The following ENOPH1 variants were observed in gnomAD, a reference collection of about 807,000 sequenced individuals.
ENOPH1 encodes enolase-phosphatase E1.
Under a neutral mutation model 31.1 loss-of-function variants are expected in ENOPH1, and 14 were observed. The observed-to-expected ratio is 0.45, with a 90% CI of 0.30 to 0.70. The LOEUF (loss-of-function observed/expected upper bound fraction) is 0.70. Among genes scored for constraint, ENOPH1 ranks in the 30% least tolerant of loss-of-function variants. ENOPH1 has a pLI of 0.09. For missense variants in ENOPH1, 243 were observed against 321.5 expected (o/e 0.76, Z 1.87); for synonymous variants, 127 against 123.2 (o/e 1.03, Z -0.21).
intron 1 of ENOPH1, among the ~76,000 whole-genome samples, chr4:82,436,085 C>T (rs1334186116): frequency 6.6e-6 from 1 of 152,164 alleles, no homozygotes; most frequent in Non-Finnish European, 1.5e-5. Context: ...CCACCATGCT[C>T]CCAGTTACGT....
In ENOPH1 at chr4:82,457,035, C is replaced by G; in HGVS notation, c.643C>G (p.Arg215Gly). The G allele has an allele frequency of 6.2e-7, 1 of 1,613,716 alleles. No individual in the cohort carries two copies. Among genetic ancestry groups the G allele is most frequent in the Non-Finnish European group, 8.5e-7 (1 of 1,179,852 alleles). Residue 215 changes from arginine (R) to glycine (G), a missense_variant, in exon 5 of 6, where the codon CGA (arginine) becomes GGA (glycine). Physicochemically the swap from Arg to Gly is moderately radical, Grantham distance 125. Transcript: ENST00000273920. ...NNILFLTDVT[R>G]EASAAEEADV... is the part of the protein sequence containing the mutation. ...CATTTTGTTTCTGACAGATGTTACT[C>G]GAGGTGAGTAATAGACTTCTTATAT...
chr4:82,459,558 A>G (rs1722585402), intron 5 of ENOPH1, among the ~76,000 whole-genome samples: 1 of 152,034 alleles, frequency 6.6e-6, no homozygotes, highest in Non-Finnish European at 1.5e-5. Context: ...TCCTGGGTCC[A>G]CCGTGCCCAG....
intron 1 of ENOPH1, among the ~76,000 whole-genome samples, chr4:82,437,132 C>G (rs1038961292): frequency 2.6e-5 from 4 of 152,098 alleles, no homozygotes; most frequent in Admixed American, 2.6e-4. Context: ...ATTTCTGGTT[C>G]CTTATTTTTC....
chr4:82,452,599 T>C (rs1472200618), intron 3 of ENOPH1, among the ~76,000 whole-genome samples: 1 of 151,970 alleles, frequency 6.6e-6, no homozygotes, highest in Non-Finnish European at 1.5e-5. Flanking sequence ...GGCCTATTTT[T>C]GTTTTTGGAG....
At chr4:82,439,404 G>C (rs1262362246) in intron 1 of ENOPH1, among the ~76,000 whole-genome samples, 2 of 152,218 alleles carry the variant, frequency 1.3e-5, no homozygotes, top group Non-Finnish European at 2.9e-5. Context: ...AATCAGACCA[G>C]TGTTTGACAG....
At chr4:82,457,611 C>T (rs558552114) in intron 5 of ENOPH1, among the ~76,000 whole-genome samples, 4 of 151,984 alleles carry the variant, frequency 2.6e-5, no homozygotes, top group Non-Finnish European at 4.4e-5. Flanking sequence ...TCCCAGCCAT[C>T]GCTATGTACA....
At chr4:82,451,397 T>G in intron 3 of ENOPH1, 152 bp downstream of exon 3, 1 of 813,976 alleles carries the variant, frequency 1.2e-6, no homozygotes, top group South Asian at 1.9e-5. Flanking sequence ...TTGTTTCATT[T>G]TTTCAAAACT....
At chr4:82,438,237 GC>G (rs1721957704) in intron 1 of ENOPH1, among the ~76,000 whole-genome samples, 1 of 152,148 alleles carries the variant, frequency 6.6e-6, no homozygotes, top group African/African-American at 2.4e-5. Flanking sequence ...GAGAGTGAAA[GC>G]CCTGATATGC....
intron 3 of ENOPH1, among the ~76,000 whole-genome samples, chr4:82,451,943 G>A (rs1722362868): frequency 6.7e-6 from 1 of 149,962 alleles, no homozygotes; most frequent in Non-Finnish European, 1.5e-5. Context: ...ACCATGCCCA[G>A]CTAGTTTTTG....
intron 2 of ENOPH1, among the ~76,000 whole-genome samples, chr4:82,449,699 G>A (rs1722297057): frequency 6.6e-6 from 1 of 152,114 alleles, no homozygotes; most frequent in Non-Finnish European, 1.5e-5. Flanking sequence ...ATTTGGGTGG[G>A]GACACACATC....
intron 1 of ENOPH1, among the ~76,000 whole-genome samples, chr4:82,432,925 A>G (rs1721812505): frequency 6.6e-6 from 1 of 152,230 alleles, no homozygotes. Context: ...CCACGTTTTT[A>G]ATCACACCAG....
At chr4:82,436,206 A>T (rs567525686) in intron 1 of ENOPH1, among the ~76,000 whole-genome samples, 2 of 152,340 alleles carry the variant, frequency 1.3e-5, no homozygotes, top group South Asian at 4.1e-4. Flanking sequence ...AAGCACTGGA[A>T]TGGCAGATAA....
At chr4:82,440,336 C>T (rs1404010800) in intron 1 of ENOPH1, among the ~76,000 whole-genome samples, 1 of 152,158 alleles carries the variant, frequency 6.6e-6, no homozygotes, top group Non-Finnish European at 1.5e-5. Context: ...AATATGCTGT[C>T]AAGATCCAGG....
At chr4:82,438,729 A>T (rs2110038300) in intron 1 of ENOPH1, among the ~76,000 whole-genome samples, 1 of 152,298 alleles carries the variant, frequency 6.6e-6, no homozygotes, top group Non-Finnish European at 1.5e-5. Context: ...TTAAATACAT[A>T]GGCTGGATTT....
At chr4:82,449,628 C>T (rs978158325) in intron 2 of ENOPH1, among the ~76,000 whole-genome samples, 4 of 152,182 alleles carry the variant, frequency 2.6e-5, no homozygotes, top group East Asian at 3.9e-4. Context: ...TCTATCCCCG[C>T]GATCCAGTCA....
chr4:82,430,930 A>G lies in ENOPH1; in HGVS notation c.84+17A>G. On this transcript the variant is annotated intron_variant, in intron 1 of 5. Transcript: ENST00000273920. ...TTCGTGAAGGTGAGGGGCGGAAGGG[A>G]GCGGGGATGTTACTTTTCCTTAAAA... The G allele has an allele frequency of 6.2e-7, 1 of 1,607,270 alleles. No individual in the cohort carries two copies.
chr4:82,434,216 G>C (rs2110036102), intron 1 of ENOPH1, among the ~76,000 whole-genome samples: 1 of 152,248 alleles, frequency 6.6e-6, no homozygotes, highest in Admixed American at 6.5e-5. Context: ...TCCTTTGCTT[G>C]GTGGTTGTGT....
Position 82,430,859 on chromosome 4 carries a change from C to T in ENOPH1, c.30C>T (p.Val10=). 6.2e-7 allele frequency: 1 copy of T among 1,614,196 alleles called. No individual in the cohort carries two copies. The highest frequency in any genetic ancestry group is 8.5e-7 in the Non-Finnish European group (1 of 1,180,010). MVVLSVPAE[V]TVILLDIEGT... ...TCGTGCTTTCGGTCCCCGCCGAAGT[C>T]ACCGTGATCCTGTTAGATATCGAAG... is the stretch of plus-strand genomic sequence containing the variant. Residue 10 remains valine (V), a synonymous_variant, in exon 1 of 6, where the codon GTC becomes GTT. Coordinates refer to ENST00000273920, the MANE Select transcript of ENOPH1 (RefSeq NM_021204.5).
intron 1 of ENOPH1, among the ~76,000 whole-genome samples, chr4:82,440,559 G>A (rs2110039083): frequency 6.6e-6 from 1 of 152,296 alleles, no homozygotes; most frequent in East Asian, 1.9e-4. Context: ...GAATGTGAAT[G>A]CCTTCCTTTC....
Sources: gnomAD v4.1 joint callset for allele counts (sites outside exome capture counted in the v4.1 genomes callset) on GRCh38, gnomAD v4.1.1 for gene constraint, MANE v1.5 for transcripts, NCBI Gene and HGNC (gene_info 2026-07-23, HGNC 2026-07-21) for gene names.